CCDC178: variants seen among roughly 807,000 people sequenced by gnomAD.
CCDC178 encodes the protein coiled-coil domain-containing protein 178.
CCDC178 carries 126 observed loss-of-function variants against 117.4 expected under a neutral mutation model. That is an observed-to-expected ratio of 1.07 (90% confidence interval 0.93 to 1.24). The LOEUF is 1.24. CCDC178 is among the 50% of genes most tolerant of loss of function. The probability of loss-of-function intolerance (pLI) is 0.00; values close to 1 mark genes in which losing one functional copy is unlikely to be tolerated. For missense variants in CCDC178, 1,030 were observed against 986.9 expected (o/e 1.04, Z -0.59); for synonymous variants, 283 against 313.4 (o/e 0.90, Z 1.02).
At chr18:33,173,203 C>T (rs2058624869) in intron 20 of CCDC178, among the ~76,000 whole-genome samples, 1 of 152,080 alleles carries the variant, frequency 6.6e-6, no homozygotes, top group Non-Finnish European at 1.5e-5. Context: ...GTGCAGGCTA[C>T]CATGCCTGGA....
chr18:33,052,092 A>G (rs1721786246), intron 21 of CCDC178, among the ~76,000 whole-genome samples: 1 of 152,176 alleles, frequency 6.6e-6, no homozygotes, highest in South Asian at 2.1e-4. Flanking sequence ...GAACAGAATA[A>G]GCTCTGGAGG....
intron 21 of CCDC178, among the ~76,000 whole-genome samples, chr18:33,074,375 G>T (rs75830578): frequency 6.6e-6 from 1 of 151,928 alleles, no homozygotes; most frequent in African/African-American, 2.4e-5. Context: ...CTACTCCCGC[G>T]ACTTCCAACA....
At chr18:33,051,002 T>C (rs1390856761) in intron 21 of CCDC178, among the ~76,000 whole-genome samples, 1 of 152,168 alleles carries the variant, frequency 6.6e-6, no homozygotes, top group East Asian at 1.9e-4. Flanking sequence ...AACCTCCGCT[T>C]CTCAGGTTCA....
chr18:33,130,121 T>C (rs1298150365), intron 20 of CCDC178, among the ~76,000 whole-genome samples: 1 of 151,996 alleles, frequency 6.6e-6, no homozygotes, highest in Non-Finnish European at 1.5e-5. Context: ...TGTATTCAGA[T>C]AGTTGTAGAC....
chr18:33,226,593 G>A (rs1485908760), intron 16 of CCDC178, among the ~76,000 whole-genome samples, 200 bp downstream of exon 16: 1 of 152,166 alleles, frequency 6.6e-6, no homozygotes, highest in Non-Finnish European at 1.5e-5. Context: ...AATGAGATAT[G>A]TATATGGGAG....
chr18:33,065,393 T>A (rs1398413235), intron 21 of CCDC178, among the ~76,000 whole-genome samples: 2 of 151,914 alleles, frequency 1.3e-5, no homozygotes, highest in African/African-American at 4.8e-5. Context: ...TTTATAATAA[T>A]AAAAAGAAAA....
intron 20 of CCDC178, among the ~76,000 whole-genome samples, chr18:33,193,264 C>CAAA (rs59092607): frequency 1.4e-4 from 11 of 77,172 alleles, no homozygotes; most frequent in Admixed American, 2.1e-4. Flanking sequence ...CTCCGTCTCA[C>CAAA]AAAAAAAAAA....
Position 33,438,505 on chromosome 18 carries a change from G to A in CCDC178, c.-23+1457C>T, listed in dbSNP as rs573882669. Among the ~76,000 whole-genome samples, 3 of 151,188 alleles carry A rather than the reference G, an allele frequency of 2.0e-5. No individual in the cohort carries two copies. In the East Asian group the frequency reaches 5.9e-4, roughly 30 times the overall value. Reference sequence around the variant, plus strand: ...AAAAGTTCAACATCGATTTTAAAATGCCATATACGGCATACACACACACAC... The same window carrying A: ...AAAAGTTCAACATCGATTTTAAAATACCATATACGGCATACACACACACAC... On this transcript the variant is annotated intron_variant, in intron 2 of 22. Coordinates refer to ENST00000383096, the MANE Select transcript of CCDC178 (RefSeq NM_001105528.4).
intron 15 of CCDC178, 64 bp downstream of exon 15, chr18:33,245,181 G>T (rs1008167277): frequency 7.6e-7 from 1 of 1,320,104 alleles, no homozygotes; most frequent in Non-Finnish European, 1.0e-6. Flanking sequence ...AGATGAAATC[G>T]ATACAATTCA....
chr18:32,947,184 C>G (rs564607913), intron 22 of CCDC178, among the ~76,000 whole-genome samples: 2 of 152,194 alleles, frequency 1.3e-5, no homozygotes, highest in South Asian at 2.1e-4. Flanking sequence ...ATAACAATAA[C>G]AAAGCAGTCA....
chr18:32,950,703 C>G (rs1443984638), intron 22 of CCDC178, among the ~76,000 whole-genome samples: 1 of 151,974 alleles, frequency 6.6e-6, no homozygotes, highest in Non-Finnish European at 1.5e-5. Flanking sequence ...TAGTAATAGG[C>G]CCAGTTTAAC....
At chr18:33,351,250 T>C (rs1301843535) in intron 7 of CCDC178, among the ~76,000 whole-genome samples, 1 of 151,936 alleles carries the variant, frequency 6.6e-6, no homozygotes, top group East Asian at 1.9e-4. Context: ...TGGAGTGCAG[T>C]GGAGCGATCT....
chr18:33,276,028 G>GTAAATAAA (rs148486473), intron 12 of CCDC178, among the ~76,000 whole-genome samples: 88,101 of 146,534 alleles, frequency 0.6, 26,939 homozygotes, highest in East Asian at 0.79. Context: ...AAGTAAGTGA[G>GTAAATAAA]TAAATAAATA....
At chr18:33,250,541 A>G (rs1417629340) in intron 14 of CCDC178, among the ~76,000 whole-genome samples, 2 of 151,746 alleles carry the variant, frequency 1.3e-5, no homozygotes, top group Non-Finnish European at 2.9e-5. Context: ...ATGAATAAGA[A>G]ACAAGGTAAA....
At chr18:32,974,184 T>C in intron 22 of CCDC178, among the ~76,000 whole-genome samples, 1 of 152,184 alleles carries the variant, frequency 6.6e-6, no homozygotes, top group African/African-American at 2.4e-5. Flanking sequence ...AGAGGGTTAT[T>C]TTCACTGAAG....
At chr18:33,248,850 C>G (rs1024676123) in intron 14 of CCDC178, among the ~76,000 whole-genome samples, 30 of 152,182 alleles carry the variant, frequency 2.0e-4, no homozygotes, top group Admixed American at 5.9e-4. Flanking sequence ...ACACTGTCTT[C>G]CACAATGGTT....
At chr18:33,346,090 G>T in intron 9 of CCDC178, 121 bp downstream of exon 9, 1 of 642,886 alleles carries the variant, frequency 1.6e-6, no homozygotes, top group Non-Finnish European at 2.6e-6. Flanking sequence ...GCCTCCCAAA[G>T]CGTGGGATTA....
chr18:33,251,842 C>T (rs2059621580), intron 14 of CCDC178, among the ~76,000 whole-genome samples: 1 of 151,704 alleles, frequency 6.6e-6, no homozygotes, highest in South Asian at 2.1e-4. Context: ...TTATTTTAGC[C>T]ACATTCAGCT....
chr18:33,100,588 A>T (rs189081456), intron 20 of CCDC178, among the ~76,000 whole-genome samples: 1 of 152,090 alleles, frequency 6.6e-6, no homozygotes, highest in East Asian at 1.9e-4. Flanking sequence ...TCAAGGAAGC[A>T]TCAGTTTGTC....
Sources: gnomAD v4.1 joint callset for allele counts (sites outside exome capture counted in the v4.1 genomes callset) on GRCh38, gnomAD v4.1.1 for gene constraint, MANE v1.5 for transcripts, NCBI Gene and HGNC (gene_info 2026-07-23, HGNC 2026-07-21) for gene names.